SLC26A4: variants seen among roughly 807,000 people sequenced by gnomAD.
SLC26A4 encodes solute carrier family 26 member 4, also known as pendrin.
A neutral mutation model predicts 90.4 loss-of-function variants in SLC26A4; 93 were observed. The ratio of observed to expected loss-of-function variants is 1.03; its 90% CI spans 0.87 to 1.22. The LOEUF (loss-of-function observed/expected upper bound fraction) is 1.22, where lower values mean the gene tolerates loss of function less well. Among genes scored for constraint, SLC26A4 ranks in the 50% most tolerant of loss-of-function variants. The pLI, the probability that SLC26A4 is intolerant of heterozygous loss-of-function variation, is 0.00. For synonymous variants in SLC26A4, 393 were observed against 354.6 expected (o/e 1.11, Z -1.22); for missense variants, 1,127 against 946.2 (o/e 1.19, Z -2.51).
intron 14 of SLC26A4, among the ~76,000 whole-genome samples, chr7:107,699,226 T>G (rs1791821874): frequency 6.6e-6 from 1 of 152,140 alleles, no homozygotes; most frequent in Non-Finnish European, 1.5e-5. Context: ...GGTGAGACTT[T>G]GCCCAAGTCA....
At chr7:107,667,527 G>A (rs1272601809) in intron 3 of SLC26A4, among the ~76,000 whole-genome samples, 1 of 150,926 alleles carries the variant, frequency 6.6e-6, no homozygotes, top group Non-Finnish European at 1.5e-5. Flanking sequence ...TGAGGGGTGG[G>A]GTATGATGAA....
intron 3 of SLC26A4, among the ~76,000 whole-genome samples, chr7:107,667,734 T>C (rs778793322): frequency 1.3e-4 from 19 of 151,844 alleles, no homozygotes; most frequent in Non-Finnish European, 4.4e-5. Context: ...AGCAAAGTAG[T>C]AAAAAGGGGC....
intron 6 of SLC26A4, among the ~76,000 whole-genome samples, chr7:107,679,427 G>A (rs1355742350): frequency 6.6e-6 from 1 of 152,168 alleles, no homozygotes; most frequent in Non-Finnish European, 1.5e-5. Flanking sequence ...TGAAGCATTT[G>A]TGATATTCGT....
At chr7:107,693,348 C>T (rs1404421432) in intron 10 of SLC26A4, 2 of 985,186 alleles carry the variant, frequency 2.0e-6, no homozygotes. Flanking sequence ...CTCAGGCTGA[C>T]CCAACTATAA....
rs575143644 is a variant in SLC26A4, at chr7:107,685,080, G to T, written c.1001+1543G>T. Among the ~76,000 whole-genome samples, 158 of 152,278 alleles carry T rather than the reference G, an allele frequency of 1.0e-3. 4 individuals carry two copies. The highest frequency in any genetic ancestry group is 0.01 in the Admixed American group (157 of 15,296). Reference sequence around the variant, plus strand: ...AATCCTTTGACAGACCACCTGGTCAGCTTGGTCAGCTAATTTAACCTGCCT... The same window carrying T: ...AATCCTTTGACAGACCACCTGGTCATCTTGGTCAGCTAATTTAACCTGCCT... On this transcript the variant is annotated intron_variant, in intron 8 of 20. Transcript: ENST00000644269.
chr7:107,684,870 G>A (rs999533992), intron 8 of SLC26A4, among the ~76,000 whole-genome samples: 3 of 152,144 alleles, frequency 2.0e-5, no homozygotes, highest in African/African-American at 7.2e-5. Context: ...GGCTTCCTAG[G>A]ATGTATCAAG....
At position 107,683,203 on chromosome 7, in the gene SLC26A4, C is replaced by A; in HGVS notation, c.767C>A (p.Thr256Lys). The stretch of plus-strand genomic sequence containing the variant: ...TATAAAATTATTTTCTTTTTATAGA[C>A]GCTGGTTGAGATTTTTCAAAATATT... ...NYNGVLSIIY[T>K]LVEIFQNIGD... Residue 256 changes from threonine to lysine, a missense_variant and splice_region_variant, in exon 7 of 21, where the codon ACG (threonine) becomes AAG (lysine). Coordinates refer to ENST00000644269, the MANE Select transcript of SLC26A4 (RefSeq NM_000441.2). The A allele has an allele frequency of 6.2e-7, 1 of 1,610,494 alleles. No individual in the cohort carries two copies. The highest frequency in any genetic ancestry group is 8.5e-7 in the Non-Finnish European group (1 of 1,178,658).
intron 13 of SLC26A4, among the ~76,000 whole-genome samples, chr7:107,697,577 G>C (rs902443420): frequency 6.6e-6 from 1 of 152,178 alleles, no homozygotes; most frequent in African/African-American, 2.4e-5. Flanking sequence ...TATAAAAAAT[G>C]ACTAAGTCAC....
At chr7:107,693,207 T>C in intron 10 of SLC26A4, 1 of 706,142 alleles carries the variant, frequency 1.4e-6, no homozygotes, top group Non-Finnish European at 1.7e-6. Context: ...GGATATCAGC[T>C]TCTCTGCTTA....
chr7:107,717,290 C>A lies in SLC26A4; in HGVS notation c.*1844C>A, dbSNP rs1483706655. ...CTAAGGCAGGAGAATGGCGTGAACC[C>A]GGGAGGCGGAGCTTGCAGTGAGCCG... is the stretch of plus-strand genomic sequence containing the variant. On this transcript the variant is annotated 3_prime_UTR_variant, in exon 21 of 21. Coordinates refer to ENST00000644269, the MANE Select transcript of SLC26A4 (RefSeq NM_000441.2). 1 of 147,538 alleles carries A rather than the reference C, an allele frequency of 6.8e-6. No homozygotes were observed. Among genetic ancestry groups the A allele is most frequent in the African/African-American group, 2.5e-5 (1 of 39,590 alleles). The allele number at this position is 147,538 out of a possible 1,614,324, so 9.1% of individuals were successfully genotyped here. A position where few individuals can be genotyped will look rare whatever the true frequency, so the allele number is the denominator to read the frequency against.
At chr7:107,692,153 C>A in intron 10 of SLC26A4, 1 of 1,124,310 alleles carries the variant, frequency 8.9e-7, no homozygotes, top group Middle Eastern at 2.4e-4. Flanking sequence ...GCTAATACCC[C>A]CTGCCACATA....
chr7:107,686,271 T>A (rs1055644105), intron 8 of SLC26A4, among the ~76,000 whole-genome samples: 4 of 136,834 alleles, frequency 2.9e-5, no homozygotes, highest in African/African-American at 1.1e-4. Context: ...TTCCCTTCCT[T>A]CCCTCCCTTC....
At chr7:107,670,037 T>G (rs975636111) in intron 3 of SLC26A4, among the ~76,000 whole-genome samples, 2 of 152,242 alleles carry the variant, frequency 1.3e-5, no homozygotes, top group South Asian at 2.1e-4. Context: ...ACATGAAAGT[T>G]TATTATATTA....
At chr7:107,712,698 T>C (rs935712634) in intron 20 of SLC26A4, 76 bp downstream of exon 20, 2 of 828,310 alleles carry the variant, frequency 2.4e-6, no homozygotes, top group African/African-American at 3.4e-5. Context: ...AGTGAATATA[T>C]CTGATTAAGA....
At chr7:107,688,873 C>G (rs1791488605) in intron 8 of SLC26A4, among the ~76,000 whole-genome samples, 180 bp from the exon 9 acceptor site, 1 of 152,232 alleles carries the variant, frequency 6.6e-6, no homozygotes, top group South Asian at 2.1e-4. Flanking sequence ...ATAACACCAA[C>G]TTCTGATTAA....
chr7:107,715,452 G>A lies in SLC26A4; in HGVS notation c.*6G>A. ...TGCGTACACTTGCATCCTGAAAGTG[G>A]GTTCGGGAGGTCTCTATGAGCAAGG... On this transcript the variant is annotated 3_prime_UTR_variant, in exon 21 of 21. Transcript: ENST00000644269. 6.2e-7 allele frequency: 1 copy of A among 1,611,248 alleles called. No homozygotes were observed. Among genetic ancestry groups the A allele is most frequent in the Non-Finnish European group, 8.5e-7 (1 of 1,177,416 alleles).
intron 3 of SLC26A4, among the ~76,000 whole-genome samples, chr7:107,669,616 T>G (rs1025681520): frequency 2.0e-5 from 3 of 152,236 alleles, no homozygotes; most frequent in African/African-American, 7.2e-5. Context: ...ATTGTACTAA[T>G]AGATATATTT....
chr7:107,706,889 G>C (rs1027646757), intron 18 of SLC26A4, among the ~76,000 whole-genome samples: 3 of 152,206 alleles, frequency 2.0e-5, no homozygotes, highest in African/African-American at 7.2e-5. Context: ...GCTTAACAAG[G>C]CTGGGTGCGG....
At chr7:107,711,521 T>A (rs1266572239) in intron 19 of SLC26A4, among the ~76,000 whole-genome samples, 4 of 152,210 alleles carry the variant, frequency 2.6e-5, no homozygotes, top group African/African-American at 9.7e-5. Flanking sequence ...ACAAATAGAC[T>A]AAGCATAACG....
Sources: gnomAD v4.1 joint callset for allele counts (sites outside exome capture counted in the v4.1 genomes callset) on GRCh38, gnomAD v4.1.1 for gene constraint, MANE v1.5 for transcripts, NCBI Gene and HGNC (gene_info 2026-07-23, HGNC 2026-07-21) for gene names.